The following SGCZ variants were observed in gnomAD, a reference collection of about 807,000 sequenced individuals.
SGCZ encodes sarcoglycan zeta.
In SGCZ, 40 loss-of-function variants were observed where a neutral mutation model predicts 41.3. The observed-to-expected ratio is 0.97, with a 90% CI of 0.75 to 1.26. SGCZ has a LOEUF of 1.26. Among genes scored for constraint, SGCZ ranks in the 50% most tolerant of loss-of-function variants. The pLI is 0.00. For missense variants in SGCZ, 552 were observed against 369.8 expected, an observed-to-expected ratio of 1.49 and a Z score of -4.04; for synonymous variants, 206 against 137.5, an observed-to-expected ratio of 1.50 and a Z score of -3.49.
intron 1 of SGCZ, among the ~76,000 whole-genome samples, chr8:15,086,397 G>A (rs1462844336): frequency 6.6e-6 from 1 of 152,048 alleles, no homozygotes; most frequent in Non-Finnish European, 1.5e-5. Context: ...ATCTAAACAT[G>A]GAAAGTATGT....
In SGCZ at chr8:14,148,537, T is replaced by TA. The variant is rs762956396; in HGVS notation, c.547+16042dup. Reference sequence around the variant, plus strand: ...AAGAAGTACAAGATCAAAGGCATAATAAAAAAAAATCTACCAGTAAAGAAA... The same window carrying TA: ...AAGAAGTACAAGATCAAAGGCATAATAAAAAAAAAATCTACCAGTAAAGAAA... On this transcript the variant is annotated intron_variant, in intron 5 of 7. Transcript: ENST00000382080. Among the ~76,000 whole-genome samples, 45 of 150,690 alleles carry TA rather than the reference T, an allele frequency of 3.0e-4. 1 individual carries two copies. The highest frequency in any genetic ancestry group is 6.6e-4 in the Admixed American group (10 of 15,134).
chr8:14,550,836 T>C (rs1344793169), intron 2 of SGCZ, among the ~76,000 whole-genome samples: 3 of 152,022 alleles, frequency 2.0e-5, no homozygotes, highest in African/African-American at 4.8e-5. Context: ...GGAGAAAATA[T>C]CGTAAAATGA....
chr8:15,048,442 T>C (rs1804392656), intron 1 of SGCZ, among the ~76,000 whole-genome samples: 1 of 152,170 alleles, frequency 6.6e-6, no homozygotes. Context: ...TACTTAATAA[T>C]AATTCATTGT....
At chr8:14,885,552 C>T (rs950941821) in intron 1 of SGCZ, among the ~76,000 whole-genome samples, 1 of 152,070 alleles carries the variant, frequency 6.6e-6, no homozygotes. Context: ...GCTTGAACTT[C>T]TTTCACAGCC....
At chr8:14,259,399 G>A (rs955470409) in intron 3 of SGCZ, among the ~76,000 whole-genome samples, 2 of 151,308 alleles carry the variant, frequency 1.3e-5, no homozygotes, top group African/African-American at 4.9e-5. Context: ...CCTATGTCCT[G>A]AATGGTAATG....
intron 1 of SGCZ, among the ~76,000 whole-genome samples, chr8:14,602,290 G>C (rs886330555): frequency 2.0e-5 from 3 of 152,064 alleles, no homozygotes; most frequent in Non-Finnish European, 4.4e-5. Context: ...GTAGGAATTT[G>C]AGTTGTATTT....
chr8:14,205,897 T>C (rs538803920), intron 4 of SGCZ, among the ~76,000 whole-genome samples: 2 of 152,172 alleles, frequency 1.3e-5, no homozygotes, highest in African/African-American at 4.8e-5. Flanking sequence ...CCAAGTTTTC[T>C]CATAAGAATC....
chr8:14,201,417 C>T (rs574378924), intron 4 of SGCZ, among the ~76,000 whole-genome samples: 1 of 152,180 alleles, frequency 6.6e-6, no homozygotes, highest in African/African-American at 2.4e-5. Context: ...AACTGTGGTA[C>T]ATCCATGCAA....
At chr8:14,192,153 A>G (rs1032729003) in intron 4 of SGCZ, among the ~76,000 whole-genome samples, 2 of 152,110 alleles carry the variant, frequency 1.3e-5, no homozygotes, top group Non-Finnish European at 2.9e-5. Flanking sequence ...ATATTTCTTC[A>G]TAAACTTTCA....
intron 1 of SGCZ, among the ~76,000 whole-genome samples, chr8:14,933,435 T>TTC (rs1799981727): frequency 7.2e-6 from 1 of 138,206 alleles, no homozygotes; most frequent in South Asian, 2.2e-4. Flanking sequence ...TTTTTTCTTT[T>TTC]TTTTTTTTTT....
At chr8:14,169,401 C>T (rs932259098) in intron 4 of SGCZ, among the ~76,000 whole-genome samples, 3 of 152,144 alleles carry the variant, frequency 2.0e-5, no homozygotes, top group Non-Finnish European at 4.4e-5. Flanking sequence ...CAACTCCAAT[C>T]AGGCATTATC....
At chr8:14,951,213 C>T (rs1270578730) in intron 1 of SGCZ, among the ~76,000 whole-genome samples, 2 of 151,900 alleles carry the variant, frequency 1.3e-5, no homozygotes, top group Non-Finnish European at 2.9e-5. Context: ...ATTTGTTATG[C>T]TGACTTAAAA....
chr8:14,430,743 G>T (rs772731429), intron 2 of SGCZ, among the ~76,000 whole-genome samples: 1 of 152,146 alleles, frequency 6.6e-6, no homozygotes, highest in African/African-American at 2.4e-5. Flanking sequence ...TCGGAAAAGA[G>T]AAAGTCAAAA....
At chr8:14,203,117 G>C (rs900332872) in intron 4 of SGCZ, among the ~76,000 whole-genome samples, 1 of 152,154 alleles carries the variant, frequency 6.6e-6, no homozygotes, top group Non-Finnish European at 1.5e-5. Context: ...CAGCCATGTG[G>C]AACTGTAAGC....
At chr8:14,886,013 A>ATATATC (rs1804785660) in intron 1 of SGCZ, among the ~76,000 whole-genome samples, 1 of 121,066 alleles carries the variant, frequency 8.3e-6, no homozygotes, top group Non-Finnish European at 1.8e-5. Flanking sequence ...ATATATATAT[A>ATATATC]TATATATATA....
At chr8:14,300,146 A>G (rs1427485990) in intron 3 of SGCZ, among the ~76,000 whole-genome samples, 1 of 152,024 alleles carries the variant, frequency 6.6e-6, no homozygotes. Context: ...TGTGAATTAC[A>G]AGGATGTATA....
chr8:14,576,711 A>G (rs191510968), intron 1 of SGCZ, among the ~76,000 whole-genome samples: 2 of 152,316 alleles, frequency 1.3e-5, no homozygotes, highest in Admixed American at 6.5e-5. Context: ...ACAGGACACA[A>G]ATTAGTGCAA....
chr8:14,120,084 AG>A (rs1802652584), intron 5 of SGCZ, among the ~76,000 whole-genome samples: 1 of 152,096 alleles, frequency 6.6e-6, no homozygotes, highest in Non-Finnish European at 1.5e-5. Flanking sequence ...GAAAATTTAA[AG>A]GCTCACATTT....
intron 2 of SGCZ, among the ~76,000 whole-genome samples, chr8:14,368,361 A>G (rs1803789635): frequency 6.6e-6 from 1 of 152,074 alleles, no homozygotes; most frequent in African/African-American, 2.4e-5. Context: ...AGAGAAAAAA[A>G]TGCAGCCAGA....
Sources: allele counts gnomAD v4.1 joint callset (sites outside exome capture counted in the v4.1 genomes callset), GRCh38; gene constraint gnomAD v4.1.1; transcripts MANE v1.5; gene names NCBI Gene and HGNC (gene_info 2026-07-23, HGNC 2026-07-21).